PDE4D: variants seen among roughly 807,000 people sequenced by gnomAD.
PDE4D encodes the protein phosphodiesterase 4D.
PDE4D carries 24 observed loss-of-function variants against 87.4 expected under a neutral mutation model. The observed-to-expected ratio is 0.27, with a 90% confidence interval of 0.20 to 0.39. PDE4D has a LOEUF of 0.39. Ranked by LOEUF, PDE4D falls within the 10% of genes least tolerant of loss-of-function variation. PDE4D has a pLI of 1.00. For synonymous variants in PDE4D, 384 were observed against 383.2 expected (o/e 1.00, Z -0.02); for missense variants, 714 against 1,041.0 (o/e 0.69, Z 4.32).
intron 1 of PDE4D, among the ~76,000 whole-genome samples, chr5:60,345,480 G>A (rs1369405026): frequency 6.7e-6 from 1 of 148,456 alleles, no homozygotes; most frequent in Non-Finnish European, 1.5e-5. Context: ...GGAGAGAAAA[G>A]TAAGAAGCAA....
rs527951250 is a variant in PDE4D, at chr5:60,423,597, G to C, written c.-90+64345C>G. The stretch of plus-strand genomic sequence containing the variant: ...AATGCACACAAGAGAAAGCAGGAAA[G>C]ATCTAAAATCGACACCTTAACATCA... On this transcript the variant is annotated intron_variant, in intron 1 of 16. Coordinates refer to the PDE4D transcript ENST00000502484. Among the ~76,000 whole-genome samples, 50 of 152,144 alleles carry C rather than the reference G, an allele frequency of 3.3e-4. 1 individual carries two copies. Among genetic ancestry groups the C allele is most frequent in the East Asian group, 2.1e-3 (11 of 5,174 alleles).
intron 1 of PDE4D, among the ~76,000 whole-genome samples, chr5:59,414,971 T>C (rs7701455): frequency 0.18 from 27,009 of 152,118 alleles, 3,293 homozygotes; most frequent in African/African-American, 0.34. Context: ...GAGAGTATGA[T>C]AAAGATACCA....
intron 1 of PDE4D, among the ~76,000 whole-genome samples, chr5:59,574,111 TATATATAAATATA>T (rs1561241484): frequency 1.8e-5 from 2 of 111,668 alleles, no homozygotes; most frequent in Admixed American, 1.0e-4. Context: ...TATTTATATA[TATATATAAATATA>T]TATTTATATA....
chr5:59,451,989 ATGAGGCCCAGGACGGCCT>A (rs1799234254), intron 1 of PDE4D, among the ~76,000 whole-genome samples: 1 of 152,208 alleles, frequency 6.6e-6, no homozygotes, highest in South Asian at 2.1e-4. Flanking sequence ...TGTCCAATCC[ATGAGGCCCAGGACGGCCT>A]TGAATGTGGC....
chr5:59,659,010 T>C (rs1744818151), intron 1 of PDE4D, among the ~76,000 whole-genome samples: 1 of 152,116 alleles, frequency 6.6e-6, no homozygotes, highest in African/African-American at 2.4e-5. Flanking sequence ...CTCTAAAACA[T>C]AAAAGAAATT....
intron 2 of PDE4D, among the ~76,000 whole-genome samples, chr5:60,138,132 T>A (rs1396847700): frequency 6.6e-6 from 1 of 152,130 alleles, no homozygotes; most frequent in Admixed American, 6.6e-5. Context: ...CTATTCTTTT[T>A]CTCTGGTCTA....
chr5:60,142,516 C>A (rs1452126308), intron 2 of PDE4D, among the ~76,000 whole-genome samples: 2 of 152,146 alleles, frequency 1.3e-5, no homozygotes, highest in African/African-American at 4.8e-5. Context: ...CTTTGTGAAG[C>A]AGATGAAATC....
At chr5:59,010,653 C>A (rs145964482) in intron 6 of PDE4D, among the ~76,000 whole-genome samples, 1 of 151,932 alleles carries the variant, frequency 6.6e-6, no homozygotes, top group African/African-American at 2.4e-5. Flanking sequence ...GATGGAGACA[C>A]AAAAATCCAA....
intron 1 of PDE4D, among the ~76,000 whole-genome samples, chr5:60,507,472 A>C (rs115345809): frequency 1.3e-3 from 199 of 152,296 alleles, no homozygotes; most frequent in African/African-American, 4.6e-3. Flanking sequence ...ATAATTTCTA[A>C]TTACTTCCTT....
chr5:59,538,918 T>C (rs902129748), intron 1 of PDE4D, among the ~76,000 whole-genome samples: 2 of 152,182 alleles, frequency 1.3e-5, no homozygotes, highest in Non-Finnish European at 2.9e-5. Context: ...TGCTCTTGTC[T>C]CTGCCTGCCC....
At chr5:60,074,007 T>C (rs957729850) in intron 2 of PDE4D, among the ~76,000 whole-genome samples, 1 of 152,148 alleles carries the variant, frequency 6.6e-6, no homozygotes. Context: ...TGAATGGCTT[T>C]TCATGTCTCA....
chr5:60,476,535 G>A (rs548309372), intron 1 of PDE4D, among the ~76,000 whole-genome samples: 1 of 152,264 alleles, frequency 6.6e-6, no homozygotes, highest in South Asian at 2.1e-4. Flanking sequence ...ATCCACCAAT[G>A]GATTGCCATG....
intron 1 of PDE4D, among the ~76,000 whole-genome samples, chr5:59,766,257 A>T (rs1762779044): frequency 6.6e-6 from 1 of 152,208 alleles, no homozygotes; most frequent in Admixed American, 6.5e-5. Flanking sequence ...TTTAGTCCAT[A>T]GGGGAAACTG....
intron 5 of PDE4D, among the ~76,000 whole-genome samples, chr5:59,116,727 A>G (rs16889227): frequency 6.6e-6 from 1 of 152,176 alleles, no homozygotes; most frequent in African/African-American, 2.4e-5. Flanking sequence ...CAAGAAGTAG[A>G]GAAAGTGACT....
At position 59,713,616 on chromosome 5, in the gene PDE4D, C is replaced by G. The variant is rs930574833; in HGVS notation, c.455+179552G>C. On this transcript the variant is annotated intron_variant, in intron 1 of 14. Transcript: ENST00000340635. ...CGAACAGGATCCCAAGGTGGGCGAG[C>G]CTTTGGTCCCTGCTGATTCTGGGTT... is the stretch of plus-strand genomic sequence containing the variant. Among the ~76,000 whole-genome samples the G allele has an allele frequency of 7.2e-5, 11 of 152,158 alleles. 1 individual carries two copies. Among genetic ancestry groups the G allele is most frequent in the Admixed American group, 6.5e-4 (10 of 15,272 alleles).
At chr5:59,142,445 A>T (rs1463080792) in intron 5 of PDE4D, among the ~76,000 whole-genome samples, 1 of 152,236 alleles carries the variant, frequency 6.6e-6, no homozygotes, top group Non-Finnish European at 1.5e-5. Flanking sequence ...ATCTCAAAGC[A>T]AACTTTAGAT....
chr5:59,068,305 C>A (rs1236590089), intron 5 of PDE4D, among the ~76,000 whole-genome samples: 2 of 152,094 alleles, frequency 1.3e-5, no homozygotes, highest in Non-Finnish European at 2.9e-5. Context: ...TCTATACAGA[C>A]AATTGAGACA....
chr5:60,317,317 T>A (rs549058855), intron 1 of PDE4D, among the ~76,000 whole-genome samples: 1 of 152,338 alleles, frequency 6.6e-6, no homozygotes, highest in South Asian at 2.1e-4. Flanking sequence ...TGTATTTCTG[T>A]GGAATCAGTG....
chr5:60,000,433 A>C (rs572211896), intron 2 of PDE4D, among the ~76,000 whole-genome samples: 1 of 152,320 alleles, frequency 6.6e-6, no homozygotes, highest in Admixed American at 6.5e-5. Flanking sequence ...CAATATATTC[A>C]AAGTGCTGAA....
Sources: gnomAD v4.1 joint callset for allele counts (sites outside exome capture counted in the v4.1 genomes callset) on GRCh38, gnomAD v4.1.1 for gene constraint, MANE v1.5 for transcripts, NCBI Gene and HGNC (gene_info 2026-07-23, HGNC 2026-07-21) for gene names.